PDLIM5: variants seen among roughly 807,000 people sequenced by gnomAD.
The protein encoded by PDLIM5 is PDZ and LIM domain protein 5.
Under a neutral mutation model 64.2 loss-of-function variants are expected in PDLIM5, and 34 were observed. The ratio of observed to expected loss-of-function variants is 0.53; its 90% CI spans 0.40 to 0.71. The LOEUF (loss-of-function observed/expected upper bound fraction) is 0.71. PDLIM5 is among the 30% of genes least tolerant of loss of function. PDLIM5 has a pLI of 0.00. For missense variants in PDLIM5, 683 were observed against 733.6 expected (o/e 0.93, Z 0.80); for synonymous variants, 253 against 269.1 (o/e 0.94, Z 0.59).
intron 3 of PDLIM5, among the ~76,000 whole-genome samples, chr4:94,544,741 C>T (rs1300046190): frequency 2.0e-5 from 3 of 152,182 alleles, no homozygotes; most frequent in Admixed American, 1.3e-4. Context: ...CTACAACCTC[C>T]GCCTCTCAGG....
chr4:94,548,985 A>G (rs1177891600), intron 3 of PDLIM5, among the ~76,000 whole-genome samples: 4 of 149,140 alleles, frequency 2.7e-5, no homozygotes, highest in African/African-American at 9.8e-5. Context: ...AAGTTAAAAG[A>G]AAAAAAAAAG....
At chr4:94,617,533 A>G (rs1231141221) in intron 7 of PDLIM5, among the ~76,000 whole-genome samples, 1 of 151,690 alleles carries the variant, frequency 6.6e-6, no homozygotes, top group African/African-American at 2.4e-5. Context: ...TGGGCTGGGA[A>G]TGATGGCTCA....
At chr4:94,648,277 A>AG (rs938537667) in intron 9 of PDLIM5, among the ~76,000 whole-genome samples, 1 of 152,078 alleles carries the variant, frequency 6.6e-6, no homozygotes, top group Non-Finnish European at 1.5e-5. Flanking sequence ...AAAAAAAAAA[A>AG]GAAGACTCAA....
In PDLIM5 at chr4:94,575,605, G is replaced by C; in HGVS notation, c.292-11G>C. The C allele has an allele frequency of 6.6e-7, 1 of 1,516,998 alleles. No individual in the cohort carries two copies. The highest frequency in any genetic ancestry group is 8.9e-7 in the Non-Finnish European group (1 of 1,126,470). 94.0% of individuals were successfully genotyped at this position (1,516,998 alleles called of 1,614,324 possible). A position where few individuals can be genotyped will look rare whatever the true frequency, so the allele number is the denominator to read the frequency against. On this transcript the variant is annotated splice_polypyrimidine_tract_variant and intron_variant, in intron 4 of 12. Transcript: ENST00000317968. ...TGTGGTTTTGTGTATGTTTATTTTT[G>C]TTTTACATAGGGAGAACCTAAAGAA...
intron 8 of PDLIM5, among the ~76,000 whole-genome samples, chr4:94,621,561 G>A (rs142904380): frequency 6.6e-6 from 1 of 152,354 alleles, no homozygotes; most frequent in East Asian, 1.9e-4. Context: ...ATGGACAGTG[G>A]AGGACAGAAA....
intron 3 of PDLIM5, among the ~76,000 whole-genome samples, chr4:94,547,142 C>T (rs186528318): frequency 5.9e-5 from 9 of 152,152 alleles, no homozygotes; most frequent in Non-Finnish European, 8.8e-5. Flanking sequence ...AAATTATTTA[C>T]CTGTGTATTA....
chr4:94,464,143 G>A (rs1724139227), intron 2 of PDLIM5, among the ~76,000 whole-genome samples: 1 of 152,110 alleles, frequency 6.6e-6, no homozygotes, highest in African/African-American at 2.4e-5. Context: ...GATGAGAAGA[G>A]TTTTGAATTA....
chr4:94,521,339 C>T (rs1427801670), intron 2 of PDLIM5, among the ~76,000 whole-genome samples: 1 of 151,908 alleles, frequency 6.6e-6, no homozygotes, highest in Non-Finnish European at 1.5e-5. Flanking sequence ...TAGTGGAAGG[C>T]AAGTAGGCTA....
At position 94,529,206 on chromosome 4, in the gene PDLIM5, C is replaced by G. The variant is rs577312869; in HGVS notation, c.248+5331C>G. ...CAGCGTTTTGGAGAGAAATAACTTA[C>G]AGTCACGGAAAGGAAGGCCAGAGGA... On this transcript the variant is annotated intron_variant, in intron 3 of 12. Coordinates refer to ENST00000317968, the MANE Select transcript of PDLIM5 (RefSeq NM_006457.5). Among the ~76,000 whole-genome samples the G allele has an allele frequency of 1.6e-4, 25 of 152,258 alleles. No homozygotes were observed. The South Asian group carries it at 5.2e-3, about 32-fold the overall frequency.
intron 3 of PDLIM5, among the ~76,000 whole-genome samples, chr4:94,564,033 G>C (rs1397832066): frequency 6.8e-6 from 1 of 146,202 alleles, no homozygotes. Context: ...GTGCAGTCTC[G>C]GCTTACTACA....
At chr4:94,619,646 A>C (rs1361374808) in intron 8 of PDLIM5, among the ~76,000 whole-genome samples, 1 of 152,118 alleles carries the variant, frequency 6.6e-6, no homozygotes, top group African/African-American at 2.4e-5. Context: ...TCTCAAAAAA[A>C]AAAAGAGAGA....
intron 7 of PDLIM5, among the ~76,000 whole-genome samples, chr4:94,601,700 T>C (rs1560733078): frequency 6.6e-6 from 1 of 152,320 alleles, no homozygotes; most frequent in East Asian, 1.9e-4. Flanking sequence ...TGCTTATTTT[T>C]AAATTCTCAA....
intron 2 of PDLIM5, among the ~76,000 whole-genome samples, chr4:94,509,465 C>T (rs549114962): frequency 3.9e-4 from 59 of 152,088 alleles, no homozygotes; most frequent in Non-Finnish European, 6.0e-4. Context: ...TTGTTCATTG[C>T]CATATGATGC....
intron 7 of PDLIM5, among the ~76,000 whole-genome samples, chr4:94,602,538 C>T (rs553082118): frequency 3.6e-4 from 55 of 152,174 alleles, no homozygotes; most frequent in African/African-American, 1.2e-3. Context: ...CTGCAACCTC[C>T]GCCTCCCAGG....
At chr4:94,502,061 C>G (rs913082015) in intron 2 of PDLIM5, among the ~76,000 whole-genome samples, 3 of 151,896 alleles carry the variant, frequency 2.0e-5, no homozygotes, top group African/African-American at 7.3e-5. Flanking sequence ...ATTTCTCTCC[C>G]CTTTTCCCTT....
chr4:94,490,290 C>T (rs1726755023), intron 2 of PDLIM5, among the ~76,000 whole-genome samples: 1 of 151,822 alleles, frequency 6.6e-6, no homozygotes, highest in South Asian at 2.1e-4. Flanking sequence ...AAAATAATAT[C>T]TAATGATTTT....
Position 94,665,175 on chromosome 4 carries a change from C to T in PDLIM5, c.*1108C>T. Reference sequence around the variant, plus strand: ...AATAATTTTGGCCTCTCATAGTTTTCTCTCTCTTTAAAGAGAATAAATAGA... The same window carrying T: ...AATAATTTTGGCCTCTCATAGTTTTTTCTCTCTTTAAAGAGAATAAATAGA... On this transcript the variant is annotated 3_prime_UTR_variant, in exon 13 of 13. Coordinates refer to ENST00000317968, the MANE Select transcript of PDLIM5 (RefSeq NM_006457.5). The T allele has an allele frequency of 1.1e-6, 1 of 946,496 alleles. No individual in the cohort carries two copies. Among genetic ancestry groups the T allele is most frequent in the Non-Finnish European group, 1.3e-6 (1 of 794,162 alleles). 58.6% of individuals were successfully genotyped at this position (946,496 alleles called of 1,614,324 possible).
At chr4:94,471,136 C>T (rs1328461248) in intron 2 of PDLIM5, among the ~76,000 whole-genome samples, 1 of 152,152 alleles carries the variant, frequency 6.6e-6, no homozygotes, top group Non-Finnish European at 1.5e-5. Context: ...ATGGGAGCTA[C>T]AATTTGAGAT....
At chr4:94,567,596 AATTAT>A (rs1734452216) in intron 3 of PDLIM5, among the ~76,000 whole-genome samples, 1 of 152,022 alleles carries the variant, frequency 6.6e-6, no homozygotes, top group Non-Finnish European at 1.5e-5. Context: ...GAAAGAAGGG[AATTAT>A]ACTTGTCAGT....
Sources: allele counts gnomAD v4.1 joint callset (sites outside exome capture counted in the v4.1 genomes callset), GRCh38; gene constraint gnomAD v4.1.1; transcripts MANE v1.5; gene names NCBI Gene and HGNC (gene_info 2026-07-23, HGNC 2026-07-21).